The following THAP4 variants were observed in gnomAD, a reference collection of about 807,000 sequenced individuals.
THAP4 encodes peroxynitrite isomerase THAP4.
THAP4 carries 18 observed loss-of-function variants against 48.1 expected under a neutral mutation model. The ratio of observed to expected loss-of-function variants is 0.37; its 90% confidence interval spans 0.26 to 0.56. The LOEUF (loss-of-function observed/expected upper bound fraction) is 0.56, where lower values mean the gene tolerates loss of function less well. THAP4 is among the 20% of genes least tolerant of loss of function. The pLI is 0.78. For missense variants in THAP4, 656 were observed against 774.9 expected (o/e 0.85, Z 1.82); for synonymous variants, 345 against 324.9 (o/e 1.06, Z -0.66).
rs2067588649 is a variant in THAP4, at chr2:241,633,181, T to C, written c.976A>G (p.Met326Val). ...GACAGGATGACCTCGTTGATGGACA[T>C]GGGGCTGGCGTCGCTGTGCTCGCTC... ...VQSEHSDASP[M>V]SINEVILSAS... The change falls in exon 2 of 6, where the codon ATG becomes GTG. Residue 326 changes from methionine to valine, a missense_variant. By Grantham distance (21) the Met-to-Val change is conservative. Around this residue, in one of 4 missense-constraint regions of THAP4, gnomAD observed 391 missense variants for 412.4 expected, o/e 0.95. Coordinates refer to ENST00000407315, the MANE Select transcript of THAP4 (RefSeq NM_015963.6). The surrounding 1 kb of genome is among the most constrained non-coding windows in gnomAD (Gnocchi z 7.5). 4 of 1,608,840 alleles carry C rather than the reference T, an allele frequency of 2.5e-6. No homozygotes were observed. Among genetic ancestry groups the C allele is most frequent in the Non-Finnish European group, 3.4e-6 (4 of 1,176,800 alleles).
Position 241,612,823 on chromosome 2 carries a change from A to G in THAP4, c.1241-6350T>C, listed in dbSNP as rs1215225005. The stretch of plus-strand genomic sequence containing the variant: ...CGCATGAGGAGGGAAGGTGAGTGGC[A>G]AGGATGCTACGGCTGGCCACAGCGA... On this transcript the variant is annotated intron_variant, in intron 2 of 5. Coordinates refer to ENST00000407315, the MANE Select transcript of THAP4 (RefSeq NM_015963.6). This position sits in a 1 kb window ranked among gnomAD's most constrained non-coding sequence, Gnocchi z 4.1. 6.6e-6 allele frequency among the ~76,000 whole-genome samples: 1 copy of G among 152,196 alleles called. No individual in the cohort carries two copies. Among genetic ancestry groups the G allele is most frequent in the East Asian group, 1.9e-4 (1 of 5,192 alleles).
At chr2:241,595,640 A>G (rs1184324801) in intron 5 of THAP4, among the ~76,000 whole-genome samples, 13 of 151,760 alleles carry the variant, frequency 8.6e-5, no homozygotes, top group Non-Finnish European at 1.9e-4. Flanking sequence ...TCTGTCTCAA[A>G]AAAAAAAAAG....
In THAP4 at chr2:241,636,816, C is replaced by A. The variant is rs2067671049; in HGVS notation, c.77+125G>T. 2.4e-5 allele frequency: 10 copies of A among 411,388 alleles called. No homozygotes were observed. In the South Asian group the frequency reaches 9.8e-4, roughly 40 times the overall value. The allele number at this position is 411,388 out of a possible 1,614,324, so 25.5% of individuals were successfully genotyped here. ...CAAGGTCACACAGCGCCCACGCCCG[C>A]TCCCCCGCGCCCCGGCCGCCGAGGC... On this transcript the variant is annotated intron_variant, in intron 1 of 5. Transcript: ENST00000407315.
intron 2 of THAP4, among the ~76,000 whole-genome samples, chr2:241,607,012 G>A (rs779188719): frequency 9.2e-5 from 14 of 152,136 alleles, no homozygotes; most frequent in African/African-American, 2.4e-5. Context: ...GCAGGGTCTC[G>A]GAGCAGCCAG....
intron 5 of THAP4, among the ~76,000 whole-genome samples, chr2:241,590,675 G>A (rs1009093115): frequency 4.2e-5 from 6 of 144,198 alleles, no homozygotes; most frequent in Admixed American, 1.4e-4. Flanking sequence ...GACACTCAGA[G>A]CTGCTCGGCT....
In THAP4 at chr2:241,584,880, G is replaced by C. The variant is rs2066873314; in HGVS notation, c.1615-155C>G. 3 of 869,386 alleles carry C rather than the reference G, an allele frequency of 3.5e-6. No individual in the cohort carries two copies. In the African/African-American group the frequency reaches 5.0e-5, roughly 15 times the overall value. The allele number at this position is 869,386 out of a possible 1,614,324, so 53.9% of individuals were successfully genotyped here. ...GTAGACACACAGCCCAGGGCCCCTG[G>C]GCATGTCACAATCCAGGTGCCCTTC... On this transcript the variant is annotated intron_variant, in intron 5 of 5. Transcript: ENST00000407315.
At chr2:241,637,553 A>G, upstream of THAP4, 1 of 1,477,538 alleles carries the variant, frequency 6.8e-7, no homozygotes, top group East Asian at 2.8e-5. Flanking sequence ...GCCCGGCCGT[A>G]CGCCAAAATG....
At chr2:241,637,363 G>C, upstream of THAP4, 9 of 1,361,244 alleles carry the variant, frequency 6.6e-6, no homozygotes, top group Non-Finnish European at 7.7e-6. Context: ...CGTCCGTACC[G>C]CAAGATGGCT....
rs2067263336 is a variant in THAP4 at position 241,610,847 on chromosome 2, C to A, written c.1241-4374G>T. ...GGACAGAGACACAGAGACAGAGAGA[C>A]AGGGCCAGAGAGACACGGGGATGGG... On this transcript the variant is annotated intron_variant, in intron 2 of 5. Coordinates refer to ENST00000407315, the MANE Select transcript of THAP4 (RefSeq NM_015963.6). This position sits in a 1 kb window ranked among gnomAD's most constrained non-coding sequence, Gnocchi z 4.2. Among the ~76,000 whole-genome samples, 1 of 151,752 alleles carries A rather than the reference C, an allele frequency of 6.6e-6. No homozygotes were observed. Among genetic ancestry groups the A allele is most frequent in the Non-Finnish European group, 1.5e-5 (1 of 67,978 alleles).
chr2:241,635,905 G>A (rs974458306), intron 1 of THAP4, among the ~76,000 whole-genome samples: 1 of 152,180 alleles, frequency 6.6e-6, no homozygotes, highest in Non-Finnish European at 1.5e-5. Context: ...GGACTGGGCC[G>A]TTCTAAGCAA....
At chr2:241,631,915 T>C (rs2067568080) in intron 2 of THAP4, among the ~76,000 whole-genome samples, 1 of 151,898 alleles carries the variant, frequency 6.6e-6, no homozygotes, top group Admixed American at 6.6e-5. Context: ...TTTTCTCTTT[T>C]GAGACAGAGT....
intron 2 of THAP4, chr2:241,617,573 G>C: frequency 9.8e-7 from 1 of 1,018,394 alleles, no homozygotes; most frequent in South Asian, 1.5e-5. Context: ...CACTATGAAA[G>C]ATCACGTCTC....
intron 3 of THAP4, among the ~76,000 whole-genome samples, 165 bp from the exon 4 acceptor site, chr2:241,603,244 C>G (rs1214867959): frequency 1.3e-5 from 2 of 152,140 alleles, no homozygotes; most frequent in African/African-American, 2.4e-5. Flanking sequence ...CTGTGTCTGT[C>G]TTACCTGCTG....
At chr2:241,637,254 G>T, upstream of THAP4, 12 of 1,046,426 alleles carry the variant, frequency 1.1e-5, no homozygotes, top group Non-Finnish European at 1.4e-5. Flanking sequence ...CCAGCGGGGC[G>T]CCGCAGGCCC....
chr2:241,585,937 AAAAG>A (rs1559214275), intron 5 of THAP4, among the ~76,000 whole-genome samples: 4 of 147,406 alleles, frequency 2.7e-5, no homozygotes, highest in African/African-American at 1.0e-4. Flanking sequence ...AAAGAAAAAA[AAAAG>A]AAAAAGAAAA....
upstream of THAP4, chr2:241,637,307 C>A (rs750716691): frequency 1.4e-5 from 16 of 1,170,050 alleles, no homozygotes; most frequent in South Asian, 2.5e-4. Flanking sequence ...GCGGGGGAGT[C>A]GCCCCGGCGG....
intron 3 of THAP4, among the ~76,000 whole-genome samples, chr2:241,605,184 A>G (rs2067163932): frequency 6.6e-6 from 1 of 152,170 alleles, no homozygotes; most frequent in Non-Finnish European, 1.5e-5. Context: ...CATGCATTCA[A>G]TCAATAATAA....
intron 2 of THAP4, among the ~76,000 whole-genome samples, chr2:241,626,368 G>A (rs1413257412): frequency 6.6e-6 from 1 of 152,048 alleles, no homozygotes; most frequent in African/African-American, 2.4e-5. Context: ...TTTAACCAGG[G>A]AGTCGGAGGT....
chr2:241,633,634 G>C lies in THAP4; in HGVS notation c.523C>G (p.Pro175Ala). Residue 175 changes from proline to alanine, a missense_variant, in exon 2 of 6, where the codon CCA becomes GCA. Physicochemically the swap from Pro to Ala is conservative, Grantham distance 27. Transcript: ENST00000407315. The surrounding 1 kb of genome is among the most constrained non-coding windows in gnomAD (Gnocchi z 7.5). ...EQAQQALERT[P>A]GDGLATMVAG... ...ACCATGGTGGCCAGTCCATCTCCTG[G>C]AGTCCGTTCCAGAGCTTGCTGGGCC... 6.2e-7 allele frequency: 1 copy of C among 1,612,886 alleles called. No homozygotes were observed. The highest frequency in any genetic ancestry group is 8.5e-7 in the Non-Finnish European group (1 of 1,179,970).
Sources: allele counts gnomAD v4.1 joint callset (sites outside exome capture counted in the v4.1 genomes callset), GRCh38; gene constraint gnomAD v4.1.1; regional missense constraint gnomAD v4.1.1; non-coding constraint Gnocchi (gnomAD v3.1); transcripts MANE v1.5; gene names NCBI Gene and HGNC (gene_info 2026-07-23, HGNC 2026-07-21).